The following CDH23 variants were observed in gnomAD, a reference collection of about 807,000 sequenced individuals.
CDH23 encodes cadherin related 23, also known as cadherin-23.
Under a neutral mutation model 317.1 loss-of-function variants are expected in CDH23, and 189 were observed. The ratio of observed to expected loss-of-function variants is 0.60; its 90% CI spans 0.53 to 0.67. The LOEUF is 0.67. CDH23 is among the 30% of genes least tolerant of loss of function. CDH23 has a pLI of 0.00. For synonymous variants in CDH23, 1,839 were observed against 1,876.8 expected, an observed-to-expected ratio of 0.98 and a Z score of 0.52; for missense variants, 4,401 against 4,592.4, an observed-to-expected ratio of 0.96 and a Z score of 1.20.
chr10:71,506,384 C>T (rs1853640834), intron 3 of CDH23, among the ~76,000 whole-genome samples: 1 of 152,182 alleles, frequency 6.6e-6, no homozygotes. Flanking sequence ...AGGTAAATTG[C>T]ATGTGATGTG....
chr10:71,730,153 A>G (rs1839317395), intron 30 of CDH23, among the ~76,000 whole-genome samples: 1 of 152,164 alleles, frequency 6.6e-6, no homozygotes, highest in South Asian at 2.1e-4. Flanking sequence ...TTATCTTAAT[A>G]TTACCACTTT....
intron 11 of CDH23, among the ~76,000 whole-genome samples, chr10:71,637,093 G>A (rs1287956552): frequency 6.6e-6 from 1 of 152,220 alleles, no homozygotes; most frequent in Non-Finnish European, 1.5e-5. Flanking sequence ...TCCTGCCGAG[G>A]TCCCCTTTGC....
intron 14 of CDH23, among the ~76,000 whole-genome samples, chr10:71,670,737 G>A (rs1864109623): frequency 6.6e-6 from 1 of 152,296 alleles, no homozygotes; most frequent in African/African-American, 2.4e-5. Flanking sequence ...GCCATTGAAG[G>A]ATTTTGGGCA....
Position 71,696,395 on chromosome 10 carries a change from A to G in CDH23, c.2397+870A>G, listed in dbSNP as rs190192755. Among the ~76,000 whole-genome samples the G allele has an allele frequency of 2.2e-3, 334 of 152,224 alleles. 1 individual carries two copies. The highest frequency in any genetic ancestry group is 4.2e-3 in the Non-Finnish European group (283 of 68,000). On this transcript the variant is annotated intron_variant, in intron 22 of 69. Coordinates refer to ENST00000224721, the MANE Select transcript of CDH23 (RefSeq NM_022124.6). The stretch of plus-strand genomic sequence containing the variant: ...GCTTCTCAGGAACTCTCTCCTCCTC[A>G]CTGTAATCTCACAAGGCAGAGGGAT...
At chr10:71,548,261 AG>A (rs1427132124) in intron 6 of CDH23, among the ~76,000 whole-genome samples, 1 of 152,042 alleles carries the variant, frequency 6.6e-6, no homozygotes. Flanking sequence ...GGAGACAGAG[AG>A]GGGAGAGTGT....
rs764824311 is a variant in CDH23, at chr10:71,511,002, G to C, written c.336+1G>C. ...GTTCTCTGTCAGCGACCACCAGGGGGTGAGTGTTCCCTGGGGCCCTGGAGG... is the reference window on the plus strand; with the variant it reads ...GTTCTCTGTCAGCGACCACCAGGGGCTGAGTGTTCCCTGGGGCCCTGGAGG... On this transcript the variant is annotated splice_donor_variant, in intron 5 of 69. Coordinates refer to ENST00000224721, the MANE Select transcript of CDH23 (RefSeq NM_022124.6). LOFTEE classifies it high-confidence loss of function. 6.2e-7 allele frequency: 1 copy of C among 1,613,636 alleles called. No individual in the cohort carries two copies. Among genetic ancestry groups the C allele is most frequent in the Non-Finnish European group, 8.5e-7 (1 of 1,179,704 alleles).
At chr10:71,526,604 C>T (rs1855052496) in intron 6 of CDH23, among the ~76,000 whole-genome samples, 2 of 152,194 alleles carry the variant, frequency 1.3e-5, no homozygotes, top group African/African-American at 2.4e-5. Flanking sequence ...CTCTTAGTCT[C>T]AAGCTCCAGG....
At chr10:71,561,093 G>A (rs1385825078) in intron 6 of CDH23, among the ~76,000 whole-genome samples, 1 of 151,878 alleles carries the variant, frequency 6.6e-6, no homozygotes, top group Non-Finnish European at 1.5e-5. Flanking sequence ...ATTTTTGTAT[G>A]TCTTTTCCTC....
intron 26 of CDH23, among the ~76,000 whole-genome samples, chr10:71,707,681 C>A (rs1865842045): frequency 1.3e-5 from 2 of 152,274 alleles, no homozygotes; most frequent in Admixed American, 1.3e-4. Context: ...AACACAGCTT[C>A]TTAGCCTCCC....
At chr10:71,800,477 G>C (rs955266216) in intron 52 of CDH23, among the ~76,000 whole-genome samples, 159 bp from the exon 53 acceptor site, 2 of 152,166 alleles carry the variant, frequency 1.3e-5, no homozygotes, top group Admixed American at 6.5e-5. Flanking sequence ...GTGAGAGCAA[G>C]AAGAGCCCCT....
chr10:71,597,406 T>C (rs544278143), intron 9 of CDH23, among the ~76,000 whole-genome samples: 237 of 152,196 alleles, frequency 1.6e-3, no homozygotes, highest in African/African-American at 5.4e-3. Flanking sequence ...GTTTCCCACC[T>C]GGCTCTTGGG....
rs1166886985 is a variant in CDH23 at position 71,732,367 on chromosome 10, G to A, written c.4096G>A (p.Ala1366Thr). The A allele has an allele frequency of 8.3e-6, 13 of 1,562,616 alleles. No homozygotes were observed. The highest frequency in any genetic ancestry group is 4.1e-5 in the African/African-American group (3 of 73,470). The part of the protein sequence containing the change: ...TQAKALFKID[A>T]ITGVITVQGL... ...GGCCAAAGCCCTCTTCAAGATAGAC[G>A]CCATCACGGTGAGGGGCTGGGGGCA... is the stretch of plus-strand genomic sequence containing the variant. Residue 1366 changes from alanine to threonine, a missense_variant, in exon 32 of 70, where the codon GCC becomes ACC. Physicochemically the swap from Ala to Thr is moderately conservative, Grantham distance 58 (BLOSUM62 0). Around this residue, in one of 3 missense-constraint regions of CDH23, gnomAD observed 3,068 missense variants for 3,203.3 expected, o/e 0.96. Transcript: ENST00000224721.
At chr10:71,499,020 G>A (rs1330186326) in intron 3 of CDH23, among the ~76,000 whole-genome samples, 2 of 152,144 alleles carry the variant, frequency 1.3e-5, no homozygotes, top group African/African-American at 4.8e-5. Flanking sequence ...GTCCGTCAAT[G>A]ATAAATGGAT....
At chr10:71,708,348 G>C (rs1275202022) in intron 26 of CDH23, among the ~76,000 whole-genome samples, 6 of 152,180 alleles carry the variant, frequency 3.9e-5, no homozygotes, top group African/African-American at 1.4e-4. Flanking sequence ...GCTGAGCCCA[G>C]TCCTGCCCAA....
In CDH23 at chr10:71,403,417, C is replaced by T. The variant is rs1416626926; in HGVS notation, c.-6+6099C>T. 1.7e-3 allele frequency among the ~76,000 whole-genome samples: 84 copies of T among 48,302 alleles called. 6 individuals are homozygous for T. The highest frequency in any genetic ancestry group is 0.013 in the African/African-American group (66 of 5,106). The allele number at this position is 48,302 out of a possible 152,430, so 31.7% of individuals were successfully genotyped here. A position where few individuals can be genotyped will look rare whatever the true frequency, so the allele number is the denominator to read the frequency against. ...TTTCTTTCTTTCTTTCTCTTCCTTC[C>T]TTCCTTCCTTCCTTCCTTCCTTCCT... On this transcript the variant is annotated intron_variant, in intron 1 of 69. Transcript: ENST00000224721.
chr10:71,632,161 G>A (rs1339881704), intron 11 of CDH23, among the ~76,000 whole-genome samples: 1 of 152,072 alleles, frequency 6.6e-6, no homozygotes, highest in African/African-American at 2.4e-5. Context: ...ATAAATTATG[G>A]AATACCCCCA....
chr10:71,554,614 C>T (rs1168845244), intron 6 of CDH23, among the ~76,000 whole-genome samples: 1 of 152,156 alleles, frequency 6.6e-6, no homozygotes, highest in African/African-American at 2.4e-5. Context: ...CCGTGATGGC[C>T]CAGCTTCTGG....
At chr10:71,443,806 G>A (rs959676621) in intron 2 of CDH23, among the ~76,000 whole-genome samples, 3 of 152,238 alleles carry the variant, frequency 2.0e-5, no homozygotes, top group Non-Finnish European at 2.9e-5. Context: ...CAGCTGCTGC[G>A]CTTTAACAGC....
chr10:71,549,025 C>T (rs762214558), intron 6 of CDH23, among the ~76,000 whole-genome samples: 1 of 152,250 alleles, frequency 6.6e-6, no homozygotes, highest in African/African-American at 2.4e-5. Context: ...TTGGTTCATT[C>T]AGCACCATTG....
Sources: gnomAD v4.1 joint callset for allele counts (sites outside exome capture counted in the v4.1 genomes callset) on GRCh38, gnomAD v4.1.1 for gene constraint, gnomAD v4.1.1 regional missense constraint, MANE v1.5 for transcripts, NCBI Gene and HGNC (gene_info 2026-07-23, HGNC 2026-07-21) for gene names.